The following GPHN variants were observed in gnomAD, a reference collection of about 807,000 sequenced individuals.
GPHN encodes gephyrin.
GPHN carries 17 observed loss-of-function variants against 95.5 expected under a neutral mutation model. The observed-to-expected ratio is 0.18, with a 90% confidence interval of 0.12 to 0.27. The LOEUF is 0.27. Ranked by LOEUF, GPHN falls within the 10% of genes least tolerant of loss-of-function variation. GPHN has a pLI of 1.00. For synonymous variants in GPHN, 320 were observed against 322.5 expected, an observed-to-expected ratio of 0.99 and a Z score of 0.08; for missense variants, 660 against 978.1, an observed-to-expected ratio of 0.67 and a Z score of 4.34.
chr14:66,602,656 C>T (rs1047356912), intron 1 of GPHN, among the ~76,000 whole-genome samples: 9 of 151,804 alleles, frequency 5.9e-5, no homozygotes, highest in African/African-American at 2.2e-4. Flanking sequence ...TTAATGCCTG[C>T]AATAGTAAAT....
chr14:66,837,879 G>A (rs1432310769), intron 4 of GPHN, among the ~76,000 whole-genome samples: 1 of 151,842 alleles, frequency 6.6e-6, no homozygotes, highest in Admixed American at 6.6e-5. Context: ...CAGCTTTTAT[G>A]GGGCCCTATG....
intron 2 of GPHN, among the ~76,000 whole-genome samples, chr14:66,773,190 A>T (rs923425880): frequency 6.6e-6 from 1 of 152,198 alleles, no homozygotes; most frequent in Admixed American, 6.5e-5. Flanking sequence ...ATGTCAGGAA[A>T]AAGATGGCAG....
At chr14:67,324,057 G>A in the GPHN span, among the ~76,000 whole-genome samples, 3 of 152,166 alleles carry the variant, frequency 2.0e-5, no homozygotes, top group African/African-American at 7.2e-5. Context: ...GACATTTCTA[G>A]GGAGATGTGA....
At chr14:66,701,888 C>T (rs2068588919) in intron 2 of GPHN, among the ~76,000 whole-genome samples, 1 of 152,174 alleles carries the variant, frequency 6.6e-6, no homozygotes, top group South Asian at 2.1e-4. Flanking sequence ...GCCTAGCATG[C>T]TAAGCTCCCT....
chr14:67,221,677 G>C, the GPHN span: 1 of 1,536,134 alleles, frequency 6.5e-7, no homozygotes, highest in Non-Finnish European at 8.8e-7. Context: ...ACTACCCACA[G>C]AGCATTTAAA....
chr14:66,714,602 C>T (rs1442811258), intron 2 of GPHN, among the ~76,000 whole-genome samples: 2 of 152,102 alleles, frequency 1.3e-5, no homozygotes, highest in East Asian at 1.9e-4. Flanking sequence ...AGTGTTATGT[C>T]GGCTGTGGGT....
At chr14:67,490,835 T>C in the GPHN span, among the ~76,000 whole-genome samples, 1 of 152,162 alleles carries the variant, frequency 6.6e-6, no homozygotes, top group African/African-American at 2.4e-5. Flanking sequence ...AAAAAAGTTT[T>C]TTCCTTCTGC....
At chr14:66,873,474 T>A (rs2063526365) in intron 4 of GPHN, among the ~76,000 whole-genome samples, 1 of 152,146 alleles carries the variant, frequency 6.6e-6, no homozygotes, top group South Asian at 2.1e-4. Context: ...ACTCAGCAGA[T>A]CCCACCCACA....
the GPHN span, chr14:67,203,073 T>C: frequency 1.2e-6 from 2 of 1,607,204 alleles, no homozygotes; most frequent in Admixed American, 3.4e-5. Flanking sequence ...TATAACGCCT[T>C]TTCCTGTTTT....
chr14:66,870,582 A>T (rs116977305), intron 4 of GPHN, among the ~76,000 whole-genome samples: 4,388 of 152,284 alleles, frequency 0.029, 87 homozygotes, highest in Middle Eastern at 0.048. Flanking sequence ...TATACCCTGA[A>T]AAATATTTTA....
the GPHN span, among the ~76,000 whole-genome samples, chr14:67,419,568 A>G: frequency 6.6e-6 from 1 of 152,110 alleles, no homozygotes; most frequent in Non-Finnish European, 1.5e-5. Context: ...TCATCTCATA[A>G]AGGCTGCATC....
chr14:66,920,095 C>T (rs1209989739), intron 6 of GPHN, among the ~76,000 whole-genome samples: 5 of 151,926 alleles, frequency 3.3e-5, no homozygotes, highest in Non-Finnish European at 7.4e-5. Context: ...AAATGGTTAA[C>T]TAGATTTGAC....
the GPHN span, among the ~76,000 whole-genome samples, chr14:67,310,142 A>G: frequency 6.4e-4 from 97 of 152,188 alleles, no homozygotes; most frequent in African/African-American, 2.2e-3. Context: ...ATAAATTTGT[A>G]TAATCTTTTT....
chr14:66,530,788 A>G (rs890218493), intron 1 of GPHN, among the ~76,000 whole-genome samples: 3 of 152,008 alleles, frequency 2.0e-5, no homozygotes, highest in East Asian at 1.9e-4. Flanking sequence ...GTGGGCTGCA[A>G]CCACTGTCTA....
At chr14:67,166,905 G>GC (rs1475325003) in intron 20 of GPHN, among the ~76,000 whole-genome samples, 1 of 152,178 alleles carries the variant, frequency 6.6e-6, no homozygotes, top group Non-Finnish European at 1.5e-5. Flanking sequence ...CTGAGCTCAA[G>GC]CCATCCACCT....
At chr14:67,578,387 C>A in the GPHN span, 1 of 761,696 alleles carries the variant, frequency 1.3e-6, no homozygotes, top group Non-Finnish European at 2.2e-6. This position sits in a 1 kb window ranked among gnomAD's most constrained non-coding sequence, Gnocchi z 5.0. Flanking sequence ...TGGACACAGC[C>A]TGACCAAGTT....
At chr14:66,572,499 TG>T (rs1386072637) in intron 1 of GPHN, among the ~76,000 whole-genome samples, 36 of 152,200 alleles carry the variant, frequency 2.4e-4, no homozygotes, top group Admixed American at 2.0e-3. Context: ...TGTGTGTGTG[TG>T]TGTGTGTATA....
intron 2 of GPHN, among the ~76,000 whole-genome samples, chr14:66,723,284 A>ATTTAT (rs1354528476): frequency 1.5e-5 from 2 of 130,720 alleles, no homozygotes; most frequent in African/African-American, 8.1e-5. Context: ...AAAAGTTTAT[A>ATTTAT]ACTTTATAAA....
intron 3 of GPHN, among the ~76,000 whole-genome samples, chr14:66,814,611 A>G (rs2060892570): frequency 6.6e-6 from 1 of 152,226 alleles, no homozygotes; most frequent in Non-Finnish European, 1.5e-5. Flanking sequence ...ATCTTATACC[A>G]TAATCAAACC....
Sources: gnomAD v4.1 joint callset for allele counts (sites outside exome capture counted in the v4.1 genomes callset) on GRCh38, gnomAD v4.1.1 for gene constraint, Gnocchi (gnomAD v3.1) non-coding constraint, MANE v1.5 for transcripts, NCBI Gene and HGNC (gene_info 2026-07-23, HGNC 2026-07-21) for gene names.